KDSR: variants seen among roughly 807,000 people sequenced by gnomAD.
KDSR encodes the protein 3-ketodihydrosphingosine reductase, also known as 3-dehydrosphinganine reductase.
In KDSR, 23 loss-of-function variants were observed where a neutral mutation model predicts 41.3. That is an observed-to-expected ratio of 0.56 (90% CI 0.40 to 0.79). KDSR has a LOEUF of 0.79. KDSR is among the 30% of genes least tolerant of loss of function. The pLI, the probability that KDSR is intolerant of heterozygous loss-of-function variation, is 0.00. For synonymous variants in KDSR, 138 were observed against 151.7 expected, an observed-to-expected ratio of 0.91 and a Z score of 0.66; for missense variants, 351 against 416.8, an observed-to-expected ratio of 0.84 and a Z score of 1.37.
Position 63,331,840 on chromosome 18 carries a change from A to G in KDSR, c.941T>C (p.Ile314Thr), listed in dbSNP as rs1390080277. The G allele has an allele frequency of 6.2e-7, 1 of 1,614,028 alleles. No homozygotes were observed. The highest frequency in any genetic ancestry group is 8.5e-7 in the Non-Finnish European group (1 of 1,179,948). ...TCTCTGCATCATGCAGCGACGAACTATGCTGTCAAAACTTCCAAGGTAAAA... is the reference window on the plus strand; with the variant it reads ...TCTCTGCATCATGCAGCGACGAACTGTGCTGTCAAAACTTCCAAGGTAAAA... The part of the protein sequence containing the change: ...ALFYLGSFDS[I>T]VRRCMMQREK... Residue 314 changes from isoleucine to threonine, a missense_variant, in exon 10 of 10, where the codon ATA becomes ACA. Ile to Thr is a moderately conservative substitution (Grantham distance 89). Transcript: ENST00000645214.
At position 63,329,386 on chromosome 18, in the gene KDSR, T is replaced by C. The variant is rs536888438; in HGVS notation, c.*2396A>G. 2.4e-5 allele frequency: 5 copies of C among 209,340 alleles called. No individual in the cohort carries two copies. The highest frequency in any genetic ancestry group is 9.1e-5 in the African/African-American group (4 of 44,176). The allele number at this position is 209,340 out of a possible 1,614,324, so 13.0% of individuals were successfully genotyped here. On this transcript the variant is annotated 3_prime_UTR_variant, in exon 10 of 10. Coordinates refer to ENST00000645214, the MANE Select transcript of KDSR (RefSeq NM_002035.4). ...TTAAGTCACAATGAAGTAGCATAAA[T>C]ATAAAGTACAATACTCTCACATCAG...
intron 3 of KDSR, 145 bp from the exon 4 acceptor site, chr18:63,355,708 T>G (rs1914775950): frequency 8.1e-7 from 1 of 1,231,626 alleles, no homozygotes; most frequent in Non-Finnish European, 1.1e-6. Context: ...GATGATGCAA[T>G]TAGCAGAATC....
At position 63,351,188 on chromosome 18, in the gene KDSR, G is replaced by A. The variant is rs1183607416; in HGVS notation, c.418-109C>T. On this transcript the variant is annotated intron_variant, in intron 5 of 9. Transcript: ENST00000645214. ...TTCTTCAATGCAAGCTCAAGTGACT[G>A]GGAAGCCCAACAGGCTTGCTGAATG... The A allele has an allele frequency of 3.6e-6, 3 of 836,054 alleles. No individual in the cohort carries two copies. In the Admixed American group the frequency reaches 8.2e-5, roughly 23 times the overall value. 51.8% of individuals were successfully genotyped at this position (836,054 alleles called of 1,614,324 possible).
chr18:63,331,877 T>G lies in KDSR; in HGVS notation c.904A>C (p.Thr302Pro). The change falls in exon 10 of 10, where the codon ACT becomes CCT. Residue 302 changes from threonine (T) to proline (P), a missense_variant. Coordinates refer to ENST00000645214, the MANE Select transcript of KDSR (RefSeq NM_002035.4). ...QQVVTMGLFR[T>P]IALFYLGSFD... is the part of the protein sequence containing the mutation. ...CTTCCAAGGTAAAACAAAGCAATAG[T>G]GCGGAAAAGGCCCATGGTGACCACC... The G allele has an allele frequency of 6.2e-7, 1 of 1,613,924 alleles. No homozygotes were observed. The highest frequency in any genetic ancestry group is 8.5e-7 in the Non-Finnish European group (1 of 1,179,878).
At chr18:63,342,162 C>T (rs1459251427) in intron 7 of KDSR, among the ~76,000 whole-genome samples, 1 of 107,576 alleles carries the variant, frequency 9.3e-6, no homozygotes, top group South Asian at 2.9e-4. Flanking sequence ...GAGCAAGACT[C>T]TATCACAAAA....
intron 6 of KDSR, among the ~76,000 whole-genome samples, chr18:63,349,056 C>T (rs1055186885): frequency 3.9e-5 from 6 of 152,152 alleles, no homozygotes; most frequent in African/African-American, 1.4e-4. Context: ...CAGGTGGCAT[C>T]ACAACATCTC....
chr18:63,345,638 CT>C (rs1341431000), intron 6 of KDSR: 1 of 152,074 alleles, frequency 6.6e-6, no homozygotes. Flanking sequence ...ATGTGACGGC[CT>C]TTAAGAGTAG....
At chr18:63,353,223 G>A (rs1599333599) in intron 5 of KDSR, among the ~76,000 whole-genome samples, 1 of 151,754 alleles carries the variant, frequency 6.6e-6, no homozygotes, top group Non-Finnish European at 1.5e-5. Context: ...GAAAAAAGAC[G>A]TCACACTGAA....
chr18:63,361,209 CAAAAAAAAAAA>C (rs71162630), intron 2 of KDSR, among the ~76,000 whole-genome samples: 6 of 15,512 alleles, frequency 3.9e-4, no homozygotes, highest in Non-Finnish European at 5.7e-4. Context: ...AACTCCGTCT[CAAAAAAAAAAA>C]AAAAAAAAAA....
intron 1 of KDSR, chr18:63,365,886 A>C (rs921522628): frequency 1.3e-5 from 2 of 152,246 alleles, no homozygotes; most frequent in African/African-American, 4.8e-5. Context: ...ATAGCTTTAC[A>C]AAGGAGAAAT....
intron 1 of KDSR, 51 bp from the exon 2 acceptor site, chr18:63,362,919 G>A: frequency 7.8e-7 from 1 of 1,283,478 alleles, no homozygotes; most frequent in Admixed American, 1.9e-5. Context: ...CCCCTCTGTA[G>A]GAAGTTTTTA....
intron 6 of KDSR, chr18:63,344,783 G>T (rs1228515235): frequency 6.6e-6 from 2 of 300,794 alleles, no homozygotes; most frequent in African/African-American, 4.3e-5. Flanking sequence ...CAGAGGCCCT[G>T]GGAGCCGTCC....
rs1245201904 is a variant in KDSR, at chr18:63,328,849, C to G, written c.*2933G>C. On this transcript the variant is annotated 3_prime_UTR_variant, in exon 10 of 10. Coordinates refer to ENST00000645214, the MANE Select transcript of KDSR (RefSeq NM_002035.4). ...ATACATTATAATAAAATAATACAAC[C>G]AAATCAAAAAGCAGCCACTTAAAAA... 5.4e-6 allele frequency: 1 copy of G among 186,216 alleles called. No homozygotes were observed. Among genetic ancestry groups the G allele is most frequent in the African/African-American group, 2.3e-5 (1 of 42,656 alleles). 11.5% of individuals were successfully genotyped at this position (186,216 alleles called of 1,614,324 possible). A position where few individuals can be genotyped will look rare whatever the true frequency, so the allele number is the denominator to read the frequency against.
At chr18:63,360,502 T>C (rs955778974) in intron 2 of KDSR, among the ~76,000 whole-genome samples, 16 of 152,246 alleles carry the variant, frequency 1.1e-4, no homozygotes, top group Non-Finnish European at 1.9e-4. Context: ...CCTGAATATG[T>C]CTATAATGAA....
intron 9 of KDSR, among the ~76,000 whole-genome samples, chr18:63,333,677 A>G (rs1395635571): frequency 6.6e-6 from 1 of 152,198 alleles, no homozygotes. Context: ...TGGACCTTTT[A>G]TATAAAACCT....
At position 63,351,093 on chromosome 18, in the gene KDSR, A is replaced by G. The variant is rs1485942582; in HGVS notation, c.418-14T>C. ...GCTCATTAACCTCTGCAGGGAACAA[A>G]GAGGCCACATGAGGTCAAAAGCCTC... On this transcript the variant is annotated splice_polypyrimidine_tract_variant and intron_variant, in intron 5 of 9. Coordinates refer to ENST00000645214, the MANE Select transcript of KDSR (RefSeq NM_002035.4). 1.2e-6 allele frequency: 2 copies of G among 1,602,420 alleles called. No individual in the cohort carries two copies. The highest frequency in any genetic ancestry group is 1.7e-6 in the Non-Finnish European group (2 of 1,173,994).
chr18:63,338,512 T>C (rs540494427), intron 8 of KDSR, among the ~76,000 whole-genome samples: 1 of 152,292 alleles, frequency 6.6e-6, no homozygotes, highest in Non-Finnish European at 1.5e-5. Flanking sequence ...TTTACACTCA[T>C]AGGAAAGTCT....
intron 2 of KDSR, among the ~76,000 whole-genome samples, chr18:63,361,676 G>A (rs1442562698): frequency 5.3e-5 from 8 of 152,118 alleles, no homozygotes; most frequent in Non-Finnish European, 7.4e-5. Context: ...TTAGCCAGGC[G>A]TGGTGGTGGG....
chr18:63,340,731 C>T (rs1428684287), intron 7 of KDSR, among the ~76,000 whole-genome samples: 1 of 152,190 alleles, frequency 6.6e-6, no homozygotes, highest in Non-Finnish European at 1.5e-5. Flanking sequence ...GCAATGGAGA[C>T]TCAAATCATC....
Sources: gnomAD v4.1 joint callset for allele counts (sites outside exome capture counted in the v4.1 genomes callset) on GRCh38, gnomAD v4.1.1 for gene constraint, MANE v1.5 for transcripts, NCBI Gene and HGNC (gene_info 2026-07-23, HGNC 2026-07-21) for gene names.